XRCC5: variants seen among roughly 807,000 people sequenced by gnomAD.
The protein encoded by XRCC5 is X-ray repair cross complementing 5.
A neutral mutation model predicts 95.7 loss-of-function variants in XRCC5; 12 were observed. The observed-to-expected ratio is 0.13, with a 90% CI of 0.08 to 0.20. The LOEUF is 0.20. Ranked by LOEUF, XRCC5 falls within the 10% of genes least tolerant of loss-of-function variation. The pLI is 1.00. For synonymous variants in XRCC5, 281 were observed against 290.3 expected (o/e 0.97, Z 0.33); for missense variants, 595 against 873.9 (o/e 0.68, Z 4.02).
chr2:216,120,766 C>T (rs559631393), intron 5 of XRCC5, among the ~76,000 whole-genome samples: 25 of 152,142 alleles, frequency 1.6e-4, no homozygotes, highest in South Asian at 6.2e-4. Context: ...GATGGAGTCT[C>T]GCACTGTTGC....
intron 13 of XRCC5, among the ~76,000 whole-genome samples, chr2:216,144,477 G>A (rs747467504): frequency 4.6e-5 from 7 of 152,148 alleles, no homozygotes; most frequent in Non-Finnish European, 8.8e-5. Context: ...GAGTGGAGAC[G>A]AGAATCAATT....
rs542218406 is a variant in XRCC5, at chr2:216,121,687, G to A, written c.492-375G>A. Among the ~76,000 whole-genome samples the A allele has an allele frequency of 1.1e-3, 173 of 152,260 alleles. 1 individual carries two copies. Among genetic ancestry groups the A allele is most frequent in the Middle Eastern group, 3.4e-3 (1 of 294 alleles). On this transcript the variant is annotated intron_variant, in intron 5 of 20. Transcript: ENST00000392132. ...TCAAAATAATGATTTTGGGGGACAC[G>A]TGTAGACCATTACAGTGTGGAAGAG... is the stretch of plus-strand genomic sequence containing the variant.
intron 7 of XRCC5, 115 bp downstream of exon 7, chr2:216,126,146 AGTT>A (rs1354880773): frequency 2.5e-6 from 2 of 791,818 alleles, no homozygotes; most frequent in East Asian, 2.7e-5. Context: ...CTGCTTTTCT[AGTT>A]GTTCTCCCTG....
At chr2:216,164,717 C>T (rs1461493451) in intron 16 of XRCC5, among the ~76,000 whole-genome samples, 1 of 152,204 alleles carries the variant, frequency 6.6e-6, no homozygotes, top group Non-Finnish European at 1.5e-5. Flanking sequence ...AATTTACGCA[C>T]AGTCACGGCC....
chr2:216,204,263 C>T (rs774095057), intron 19 of XRCC5, 59 bp from the exon 20 acceptor site: 1 of 1,598,452 alleles, frequency 6.3e-7, no homozygotes, highest in Non-Finnish European at 8.6e-7. Flanking sequence ...GCAGATTGTT[C>T]CCTCTTTCAA....
intron 16 of XRCC5, among the ~76,000 whole-genome samples, chr2:216,182,385 G>A (rs1325901615): frequency 1.3e-5 from 2 of 152,144 alleles, no homozygotes; most frequent in African/African-American, 4.8e-5. Flanking sequence ...AAGCTAGATA[G>A]ATACTATAAA....
intron 2 of XRCC5, among the ~76,000 whole-genome samples, chr2:216,114,328 C>A (rs530649996): frequency 2.6e-5 from 4 of 152,168 alleles, no homozygotes; most frequent in Admixed American, 1.3e-4. Flanking sequence ...CCGTTGGGCA[C>A]TAGTACTTCC....
At chr2:216,195,924 C>A (rs1255854423) in intron 19 of XRCC5, among the ~76,000 whole-genome samples, 1 of 152,038 alleles carries the variant, frequency 6.6e-6, no homozygotes, top group Non-Finnish European at 1.5e-5. Flanking sequence ...AGACAGCACC[C>A]CTGCCCTCTA....
intron 14 of XRCC5, among the ~76,000 whole-genome samples, chr2:216,155,583 C>T (rs1688826184): frequency 6.6e-6 from 1 of 152,162 alleles, no homozygotes; most frequent in South Asian, 2.1e-4. Context: ...AACCAGTGTA[C>T]TCGTCACTAG....
At chr2:216,144,004 T>C (rs1291737296) in intron 13 of XRCC5, among the ~76,000 whole-genome samples, 12 of 152,078 alleles carry the variant, frequency 7.9e-5, no homozygotes, top group Admixed American at 7.9e-4. Flanking sequence ...CGTGAGCCAC[T>C]GCACCCGGCC....
intron 16 of XRCC5, among the ~76,000 whole-genome samples, chr2:216,176,814 C>T (rs1229612623): frequency 6.6e-6 from 1 of 152,042 alleles, no homozygotes; most frequent in Non-Finnish European, 1.5e-5. Context: ...GATTTGAAAC[C>T]TCTTTTCTAA....
At chr2:216,205,078 C>A in intron 20 of XRCC5, 110 bp from the exon 21 acceptor site, 1 of 1,281,204 alleles carries the variant, frequency 7.8e-7, no homozygotes, top group Non-Finnish European at 1.1e-6. Flanking sequence ...TGAGCAAGTA[C>A]ATGCATGCCT....
At chr2:216,131,086 CTT>C in intron 9 of XRCC5, 99 bp downstream of exon 9, 1 of 1,421,592 alleles carries the variant, frequency 7.0e-7, no homozygotes, top group Admixed American at 2.6e-5. Context: ...ATTTATTTCA[CTT>C]TTAATTTTTC....
At chr2:216,115,696 G>C (rs1002433086) in intron 2 of XRCC5, among the ~76,000 whole-genome samples, 1 of 151,972 alleles carries the variant, frequency 6.6e-6, no homozygotes, top group Non-Finnish European at 1.5e-5. Context: ...ACTATTTTTT[G>C]TTTTTATATT....
chr2:216,127,101 A>G (rs566285607), intron 7 of XRCC5, among the ~76,000 whole-genome samples: 104 of 152,220 alleles, frequency 6.8e-4, no homozygotes, highest in Non-Finnish European at 1.2e-3. Context: ...ATAGCCAGGC[A>G]TGGTGATGTG....
At chr2:216,179,290 CTCT>C (rs1259806488) in intron 16 of XRCC5, among the ~76,000 whole-genome samples, 2 of 152,278 alleles carry the variant, frequency 1.3e-5, no homozygotes, top group African/African-American at 2.4e-5. Flanking sequence ...CCAAGTTTGC[CTCT>C]TCTTATAAGG....
chr2:216,160,050 T>TG lies in XRCC5; in HGVS notation c.1671-18_1671-17insG. On this transcript the variant is annotated splice_polypyrimidine_tract_variant and intron_variant, in intron 14 of 20. Coordinates refer to ENST00000392132, the MANE Select transcript of XRCC5 (RefSeq NM_021141.4). The stretch of plus-strand genomic sequence containing the variant: ...TTGTATTGTTTGTTCTAAGAGAAAT[T>TG]TTTTTTTTCTTTTCTAGCCATGAAG... The TG allele has an allele frequency of 6.6e-7, 1 of 1,524,664 alleles. No homozygotes were observed. The highest frequency in any genetic ancestry group is 8.9e-7 in the Non-Finnish European group (1 of 1,122,614). 94.4% of individuals were successfully genotyped at this position (1,524,664 alleles called of 1,614,324 possible). A position where few individuals can be genotyped will look rare whatever the true frequency, so the allele number is the denominator to read the frequency against.
chr2:216,142,936 C>T (rs766674724), intron 13 of XRCC5, among the ~76,000 whole-genome samples: 10 of 152,180 alleles, frequency 6.6e-5, no homozygotes, highest in African/African-American at 9.7e-5. Context: ...TGGGGATACA[C>T]GCCTATAAAC....
chr2:216,158,782 G>A (rs1688894783), intron 14 of XRCC5, among the ~76,000 whole-genome samples: 1 of 152,136 alleles, frequency 6.6e-6, no homozygotes, highest in Non-Finnish European at 1.5e-5. Context: ...TGGCTGTGAT[G>A]ATTACTTTAG....
Sources: gnomAD v4.1 joint callset for allele counts (sites outside exome capture counted in the v4.1 genomes callset) on GRCh38, gnomAD v4.1.1 for gene constraint, MANE v1.5 for transcripts, NCBI Gene and HGNC (gene_info 2026-07-23, HGNC 2026-07-21) for gene names.